DRC11L: variants seen among roughly 807,000 people sequenced by gnomAD.
DRC11L encodes dynein regulatory complex subunit 11 like.
the DRC11L span, among the ~76,000 whole-genome samples, chr7:151,194,985 C>T: frequency 6.6e-6 from 1 of 152,186 alleles, no homozygotes; most frequent in African/African-American, 2.4e-5. Context: ...GAGAGACAGA[C>T]ATTAAATTCA....
chr7:151,195,212 C>T, the DRC11L span, among the ~76,000 whole-genome samples: 5 of 152,268 alleles, frequency 3.3e-5, no homozygotes, highest in Admixed American at 6.5e-5. Flanking sequence ...CTGCATCTCA[C>T]GTACAGAGCC....
the DRC11L span, chr7:151,192,012 C>T: frequency 1.8e-5 from 7 of 398,000 alleles, no homozygotes; most frequent in Non-Finnish European, 3.1e-5. Context: ...ATCAGCTCCC[C>T]TTCCCCAGGG....
chr7:151,203,288 T>A, the DRC11L span: 857 of 398,496 alleles, frequency 2.2e-3, 3 homozygotes, highest in Middle Eastern at 3.8e-3. Context: ...GGCCAGGGAT[T>A]ACCTAAAGGG....
the DRC11L span, among the ~76,000 whole-genome samples, chr7:151,203,976 T>C: frequency 3.3e-5 from 5 of 152,340 alleles, no homozygotes; most frequent in East Asian, 7.7e-4. Flanking sequence ...AGAAGCTCTG[T>C]GCTCTAGAAC....
At chr7:151,202,653 A>G in the DRC11L span, among the ~76,000 whole-genome samples, 2 of 152,084 alleles carry the variant, frequency 1.3e-5, no homozygotes, top group African/African-American at 2.4e-5. Flanking sequence ...GGAGATCAAG[A>G]GCAGCCTGGC....
At chr7:151,198,097 G>C in the DRC11L span, among the ~76,000 whole-genome samples, 1 of 151,992 alleles carries the variant, frequency 6.6e-6, no homozygotes, top group East Asian at 1.9e-4. Context: ...TGGAGAGGTG[G>C]GTAGAAGGGT....
the DRC11L span, chr7:151,196,097 T>C: frequency 3.9e-6 from 1 of 253,368 alleles, no homozygotes. Context: ...GCCCACGGCA[T>C]GGGTGGGACA....
At chr7:151,193,210 G>A in the DRC11L span, 1 of 398,432 alleles carries the variant, frequency 2.5e-6, no homozygotes, top group African/African-American at 2.1e-5. Context: ...GTAGGCTGAT[G>A]GGTGACGTGA....
At chr7:151,197,336 A>T in the DRC11L span, 7 of 398,858 alleles carry the variant, frequency 1.8e-5, no homozygotes, top group Non-Finnish European at 2.7e-5. Context: ...ACCTGTGACC[A>T]ATGACCCAAG....
chr7:151,197,407 G>C, the DRC11L span: 2 of 398,912 alleles, frequency 5.0e-6, no homozygotes, highest in Non-Finnish European at 4.4e-6. Flanking sequence ...ACAGAAGAGA[G>C]CTGGCGATCT....
At chr7:151,197,535 C>G in the DRC11L span, among the ~76,000 whole-genome samples, 2,019 of 152,264 alleles carry the variant, frequency 0.013, 54 homozygotes, top group African/African-American at 0.046. Flanking sequence ...AGAAAGGGTG[C>G]CCAAGAAGGA....
chr7:151,202,251 G>A, the DRC11L span, among the ~76,000 whole-genome samples: 2 of 152,100 alleles, frequency 1.3e-5, no homozygotes, highest in South Asian at 4.1e-4. Context: ...TTTCCAGGAG[G>A]CTCAGGATCC....
chr7:151,203,703 C>T, the DRC11L span, among the ~76,000 whole-genome samples: 2 of 152,168 alleles, frequency 1.3e-5, no homozygotes, highest in Non-Finnish European at 2.9e-5. Flanking sequence ...TGCCCCCATC[C>T]TCTGGCTGGA....
At chr7:151,191,865 G>T in the DRC11L span, 4 of 399,146 alleles carry the variant, frequency 1.0e-5, no homozygotes, top group East Asian at 1.4e-4. Flanking sequence ...TCTATCATAC[G>T]CTTCCAGAGC....
At chr7:151,193,391 G>C in the DRC11L span, 7 of 399,518 alleles carry the variant, frequency 1.8e-5, no homozygotes, top group South Asian at 7.6e-4. Flanking sequence ...GCCAGTTTCT[G>C]TGCACACTGC....
At chr7:151,198,753 G>T in the DRC11L span, 2 of 399,000 alleles carry the variant, frequency 5.0e-6, no homozygotes, top group Non-Finnish European at 8.8e-6. Flanking sequence ...GACCCTGAGC[G>T]AAGGGAATGA....
the DRC11L span, among the ~76,000 whole-genome samples, chr7:151,194,888 C>T: frequency 2.6e-5 from 4 of 152,226 alleles, no homozygotes; most frequent in South Asian, 2.1e-4. Flanking sequence ...TGCCCCCTGA[C>T]CAAAGGTCCA....
chr7:151,191,691 C>G, the DRC11L span: 1 of 399,304 alleles, frequency 2.5e-6, no homozygotes, highest in Non-Finnish European at 4.4e-6. Context: ...ACCAGTTGTC[C>G]CAGGAACTCA....
At chr7:151,203,331 G>A in the DRC11L span, 1 of 399,312 alleles carries the variant, frequency 2.5e-6, no homozygotes, top group African/African-American at 2.1e-5. Flanking sequence ...GGGCCTCTCT[G>A]CATTCTGGAG....
Sources: gnomAD v4.1 joint callset for allele counts (sites outside exome capture counted in the v4.1 genomes callset) on GRCh38, gnomAD v4.1.1 for gene constraint, MANE v1.5 for transcripts, NCBI Gene and HGNC (gene_info 2026-07-23, HGNC 2026-07-21) for gene names.